The following CSMD1 variants were observed in gnomAD, a reference collection of about 807,000 sequenced individuals.
The protein encoded by CSMD1 is CUB and Sushi multiple domains 1.
CSMD1 carries 213 observed loss-of-function variants against 417.5 expected under a neutral mutation model. The observed-to-expected ratio is 0.51, with a 90% CI of 0.46 to 0.57. The LOEUF (loss-of-function observed/expected upper bound fraction) is 0.57, where lower values mean the gene tolerates loss of function less well. CSMD1 is among the 20% of genes least tolerant of loss of function. The probability of loss-of-function intolerance (pLI) is 0.00; values close to 1 mark genes in which losing one functional copy is unlikely to be tolerated. For missense variants in CSMD1, 6,923 were observed against 4,529.7 expected (o/e 1.53, Z -15.17); for synonymous variants, 2,862 against 1,736.8 (o/e 1.65, Z -16.11).
intron 26 of CSMD1, among the ~76,000 whole-genome samples, chr8:3,255,251 C>A (rs56092017): frequency 2.6e-5 from 4 of 151,808 alleles, no homozygotes; most frequent in Non-Finnish European, 5.9e-5. Flanking sequence ...GGGGTGTACC[C>A]AGCCGTGTGA....
At chr8:4,446,024 C>T (rs1443334337) in intron 2 of CSMD1, among the ~76,000 whole-genome samples, 1 of 152,118 alleles carries the variant, frequency 6.6e-6, no homozygotes, top group Non-Finnish European at 1.5e-5. Context: ...TGTGCCAACT[C>T]TTAGGAACTT....
chr8:4,946,804 T>C (rs1009182030), intron 1 of CSMD1, among the ~76,000 whole-genome samples: 1 of 152,236 alleles, frequency 6.6e-6, no homozygotes, highest in Non-Finnish European at 1.5e-5. Context: ...AATTAGACTG[T>C]GATTCTATTT....
chr8:3,096,945 A>G lies in CSMD1; in HGVS notation c.7042T>C (p.Ser2348Pro). ...TTTGGTTCCACTTTAATACTCCAAG[A>G]GCAAGTCTGGGAGTTAAAATAATTA... ...PGNYFNSQTC[S>P]WSIKVEPNYN... is the part of the protein sequence containing the mutation. The change falls in exon 47 of 70, where the codon TCT becomes CCT. Residue 2348 changes from serine to proline, a missense_variant. Ser to Pro is a moderately conservative substitution (Grantham distance 74, BLOSUM62 -1). Coordinates refer to ENST00000635120, the MANE Select transcript of CSMD1 (RefSeq NM_033225.6). 6.4e-7 allele frequency: 1 copy of G among 1,555,874 alleles called. No individual in the cohort carries two copies. The highest frequency in any genetic ancestry group is 8.7e-7 in the Non-Finnish European group (1 of 1,148,672).
chr8:3,412,874 G>A (rs528976442), intron 12 of CSMD1, among the ~76,000 whole-genome samples: 2 of 152,330 alleles, frequency 1.3e-5, no homozygotes, highest in African/African-American at 4.8e-5. Flanking sequence ...TCAAAACGCT[G>A]CATGGTTTAT....
intron 10 of CSMD1, among the ~76,000 whole-genome samples, chr8:3,525,665 T>C (rs1025216434): frequency 1.3e-5 from 2 of 152,204 alleles, no homozygotes; most frequent in South Asian, 2.1e-4. Flanking sequence ...TAGCAATCAA[T>C]GGAATTAAAT....
chr8:4,889,576 T>G (rs1047039060), intron 1 of CSMD1, among the ~76,000 whole-genome samples: 2 of 152,004 alleles, frequency 1.3e-5, no homozygotes, highest in African/African-American at 4.8e-5. Context: ...TGTCTATAAG[T>G]GTGAAATGTC....
intron 1 of CSMD1, among the ~76,000 whole-genome samples, chr8:4,830,372 GA>G: frequency 6.7e-6 from 1 of 149,114 alleles, no homozygotes; most frequent in African/African-American, 2.6e-5. Flanking sequence ...TGATGGCTGT[GA>G]AAAAATAACA....
chr8:3,927,394 C>A (rs1433203535), intron 5 of CSMD1, among the ~76,000 whole-genome samples: 1 of 151,958 alleles, frequency 6.6e-6, no homozygotes, highest in African/African-American at 2.4e-5. Flanking sequence ...CAGCCAGACA[C>A]AGTGGCTCCT....
intron 23 of CSMD1, among the ~76,000 whole-genome samples, chr8:3,337,869 T>C (rs1263698780): frequency 6.6e-6 from 1 of 152,204 alleles, no homozygotes; most frequent in Non-Finnish European, 1.5e-5. Flanking sequence ...TGATGTTTCT[T>C]CTACCTCTGT....
chr8:4,148,104 G>A (rs1023179391), intron 3 of CSMD1, among the ~76,000 whole-genome samples: 5 of 152,040 alleles, frequency 3.3e-5, no homozygotes, highest in African/African-American at 9.7e-5. Context: ...AACACAGATG[G>A]CATCTTTGAT....
intron 3 of CSMD1, among the ~76,000 whole-genome samples, chr8:4,200,734 T>C (rs958809054): frequency 6.6e-6 from 1 of 152,136 alleles, no homozygotes; most frequent in Non-Finnish European, 1.5e-5. Context: ...TGGTTGTGTG[T>C]ATCTGTAGTC....
rs141032268 is a variant in CSMD1, at chr8:4,101,535, C to A, written c.416-69436G>T. Among the ~76,000 whole-genome samples the A allele has an allele frequency of 3.3e-3, 502 of 152,240 alleles. 3 individuals carry two copies. Among genetic ancestry groups the A allele is most frequent in the South Asian group, 0.016 (78 of 4,814 alleles). ...CAAATATGCCGACCAGGAAACATAC[C>A]TAAAAAATTATGGATGTGTAGGAAG... On this transcript the variant is annotated intron_variant, in intron 3 of 69. Coordinates refer to ENST00000635120, the MANE Select transcript of CSMD1 (RefSeq NM_033225.6).
intron 10 of CSMD1, among the ~76,000 whole-genome samples, chr8:3,566,311 T>C (rs1158914689): frequency 1.3e-5 from 2 of 152,112 alleles, no homozygotes; most frequent in Non-Finnish European, 2.9e-5. Flanking sequence ...GCAAATAATA[T>C]TCTAGGTGCT....
intron 1 of CSMD1, among the ~76,000 whole-genome samples, chr8:4,976,151 T>C (rs927123626): frequency 6.6e-6 from 1 of 152,122 alleles, no homozygotes; most frequent in Non-Finnish European, 1.5e-5. Context: ...CACTGGAGAA[T>C]CCTAGAGGGA....
chr8:4,628,028 C>G (rs1175023914), intron 2 of CSMD1, among the ~76,000 whole-genome samples: 1 of 151,694 alleles, frequency 6.6e-6, no homozygotes, highest in African/African-American at 2.4e-5. Flanking sequence ...TGCCACTGTT[C>G]CCTGGGACAA....
At chr8:4,192,222 G>A (rs374059373) in intron 3 of CSMD1, among the ~76,000 whole-genome samples, 2 of 152,142 alleles carry the variant, frequency 1.3e-5, no homozygotes, top group African/African-American at 4.8e-5. Flanking sequence ...AAAGATGATT[G>A]AATGTTAACA....
At chr8:4,834,732 G>C (rs1463655386) in intron 1 of CSMD1, among the ~76,000 whole-genome samples, 2 of 151,788 alleles carry the variant, frequency 1.3e-5, no homozygotes, top group South Asian at 4.2e-4. Flanking sequence ...CGAGGCGGGC[G>C]GATCACGACA....
At chr8:4,587,420 CATGTATATGTGG>C (rs1317093003) in intron 2 of CSMD1, among the ~76,000 whole-genome samples, 1 of 108,222 alleles carries the variant, frequency 9.2e-6, no homozygotes, top group Non-Finnish European at 1.9e-5. Context: ...TGTATATGTA[CATGTATATGTGG>C]ATATATATGT....
chr8:3,896,120 G>A (rs902220096), intron 5 of CSMD1, among the ~76,000 whole-genome samples: 3 of 152,032 alleles, frequency 2.0e-5, no homozygotes, highest in African/African-American at 7.3e-5. Flanking sequence ...CCATTCTTGG[G>A]GCTTGAGTAA....
Sources: gnomAD v4.1 joint callset for allele counts (sites outside exome capture counted in the v4.1 genomes callset) on GRCh38, gnomAD v4.1.1 for gene constraint, MANE v1.5 for transcripts, NCBI Gene and HGNC (gene_info 2026-07-23, HGNC 2026-07-21) for gene names.